RAI1: variants seen among roughly 807,000 people sequenced by gnomAD.
The protein encoded by RAI1 is retinoic acid-induced protein 1.
Under a neutral mutation model 123.8 loss-of-function variants are expected in RAI1, and 9 were observed. That is an observed-to-expected ratio of 0.07 (90% CI 0.04 to 0.13). The LOEUF (loss-of-function observed/expected upper bound fraction) is 0.13, where lower values mean the gene tolerates loss of function less well. RAI1 is among the 10% of genes least tolerant of loss of function. The pLI is 1.00. For missense variants in RAI1, 2,256 were observed against 2,545.8 expected, an observed-to-expected ratio of 0.89 and a Z score of 2.45; for synonymous variants, 1,231 against 1,127.3, an observed-to-expected ratio of 1.09 and a Z score of -1.84.
intron 2 of RAI1, among the ~76,000 whole-genome samples, chr17:17,756,178 C>T (rs188023918): frequency 2.0e-3 from 311 of 152,234 alleles, no homozygotes; most frequent in African/African-American, 7.4e-3. Context: ...GGGTGCCTGG[C>T]CACAGCAGGA....
At chr17:17,802,944 C>T (rs1158652849) in intron 3 of RAI1, among the ~76,000 whole-genome samples, 1 of 152,018 alleles carries the variant, frequency 6.6e-6, no homozygotes, top group African/African-American at 2.4e-5. Context: ...ATTAGCTGGG[C>T]ATGGCAGCAC....
intron 2 of RAI1, among the ~76,000 whole-genome samples, chr17:17,724,545 C>G (rs900241769): frequency 6.6e-6 from 1 of 150,862 alleles, no homozygotes; most frequent in South Asian, 2.1e-4. Context: ...GCTGAGATGG[C>G]GGGGCTGGTG....
At chr17:17,681,857 G>T in intron 1 of RAI1, 64 bp downstream of exon 1, 1 of 235,966 alleles carries the variant, frequency 4.2e-6, no homozygotes, top group Non-Finnish European at 8.2e-6. Flanking sequence ...GGGGCGGCGC[G>T]AGGCGTCGGG....
chr17:17,766,722 G>A (rs1482155147), intron 2 of RAI1, among the ~76,000 whole-genome samples: 2 of 152,228 alleles, frequency 1.3e-5, no homozygotes, highest in African/African-American at 2.4e-5. Flanking sequence ...CACAGGCGGC[G>A]GCACTGTTAG....
At position 17,681,664 on chromosome 17, in the gene RAI1, C is replaced by A. The variant is rs898964054; in HGVS notation, c.-278C>A. 6.9e-5 allele frequency: 18 copies of A among 260,226 alleles called. No individual in the cohort carries two copies. The highest frequency in any genetic ancestry group is 1.2e-4 in the Non-Finnish European group (16 of 138,242). 16.1% of individuals were successfully genotyped at this position (260,226 alleles called of 1,614,324 possible). On this transcript the variant is annotated 5_prime_UTR_variant, in exon 1 of 6. Transcript: ENST00000353383. ...CCGGCGCGAGGAGGGGGCGCCGCGG[C>A]CCACCCTCCTTCCTGCCTGGCCGCG...
intron 2 of RAI1, among the ~76,000 whole-genome samples, chr17:17,771,753 A>G (rs2031167632): frequency 6.6e-6 from 1 of 152,100 alleles, no homozygotes. Flanking sequence ...TCCCTTTCCC[A>G]TGGGAATCTC....
rs1269758312 is a variant in RAI1, at chr17:17,793,290, T to C, written c.342T>C (p.Gly114=). ...GCCCCTACCCAGGCCGCTATGCTGG[T>C]GAGGAGAGCCTTCAGGCTTGGGGGG... ...DSSPYPGRYA[G]EESLQAWGAP... The change falls in exon 3 of 6, where the codon GGT becomes GGC. Residue 114 remains glycine (G), a synonymous_variant. Transcript: ENST00000353383. 26 of 1,612,244 alleles carry C rather than the reference T, an allele frequency of 1.6e-5. No individual in the cohort carries two copies. The highest frequency in any genetic ancestry group is 2.2e-5 in the Non-Finnish European group (26 of 1,179,740).
chr17:17,741,882 A>G (rs1388950305), intron 2 of RAI1, among the ~76,000 whole-genome samples: 1 of 152,208 alleles, frequency 6.6e-6, no homozygotes, highest in African/African-American at 2.4e-5. Flanking sequence ...TGGAGGAGAG[A>G]CTGGGTGAGG....
intron 2 of RAI1, among the ~76,000 whole-genome samples, chr17:17,751,192 T>G (rs2030155169): frequency 6.6e-6 from 1 of 152,156 alleles, no homozygotes; most frequent in Non-Finnish European, 1.5e-5. Context: ...GAAGAGTAGC[T>G]CCAGGAAGTG....
chr17:17,761,946 CAG>C (rs1321550141), intron 2 of RAI1, among the ~76,000 whole-genome samples: 1 of 152,064 alleles, frequency 6.6e-6, no homozygotes, highest in Non-Finnish European at 1.5e-5. Flanking sequence ...AGGGAGGTCT[CAG>C]GGCATCCAAG....
intron 1 of RAI1, among the ~76,000 whole-genome samples, chr17:17,697,769 G>A (rs1254947138): frequency 6.6e-6 from 1 of 152,218 alleles, no homozygotes; most frequent in East Asian, 1.9e-4. Context: ...GTGTGGTTGT[G>A]TGTGTGTCTG....
intron 2 of RAI1, among the ~76,000 whole-genome samples, chr17:17,751,275 G>C (rs1246329070): frequency 6.6e-6 from 1 of 152,178 alleles, no homozygotes; most frequent in African/African-American, 2.4e-5. Context: ...GGCTAAGGTG[G>C]GAGTCTGTCA....
At position 17,739,178 on chromosome 17, in the gene RAI1, T is replaced by G. The variant is rs954611081; in HGVS notation, c.-17+15019T>G. 2.6e-5 allele frequency among the ~76,000 whole-genome samples: 4 copies of G among 152,006 alleles called. No homozygotes were observed. In the South Asian group the frequency reaches 8.3e-4, roughly 32 times the overall value. ...GGGCAGCCACGTGCCCAGTAAAGGC[T>G]CTCTTGAAAACCGTGGAGATAGGAG... On this transcript the variant is annotated intron_variant, in intron 2 of 5. Coordinates refer to ENST00000353383, the MANE Select transcript of RAI1 (RefSeq NM_030665.4).
chr17:17,752,746 C>G (rs1044381221), intron 2 of RAI1, among the ~76,000 whole-genome samples: 9 of 152,244 alleles, frequency 5.9e-5, no homozygotes, highest in African/African-American at 1.9e-4. Flanking sequence ...CACGTCATTC[C>G]TGGACACTCT....
chr17:17,781,122 G>T (rs2031563701), intron 2 of RAI1, among the ~76,000 whole-genome samples: 1 of 152,182 alleles, frequency 6.6e-6, no homozygotes, highest in South Asian at 2.1e-4. Flanking sequence ...CTAAACCACA[G>T]AGAGAACTCC....
intron 2 of RAI1, among the ~76,000 whole-genome samples, chr17:17,728,062 C>A (rs750592661): frequency 7.3e-5 from 11 of 150,996 alleles, no homozygotes; most frequent in Non-Finnish European, 1.5e-4. Context: ...TGTGTGTGTC[C>A]GTCCCTGTGT....
At chr17:17,690,968 G>A (rs1218490789) in intron 1 of RAI1, among the ~76,000 whole-genome samples, 1 of 152,222 alleles carries the variant, frequency 6.6e-6, no homozygotes, top group Non-Finnish European at 1.5e-5. Flanking sequence ...CAGCATTGAT[G>A]CACAGCTGAG....
chr17:17,755,338 A>T (rs1598056173), intron 2 of RAI1, among the ~76,000 whole-genome samples: 1 of 152,104 alleles, frequency 6.6e-6, no homozygotes, highest in Non-Finnish European at 1.5e-5. Context: ...ATGGGGCGGG[A>T]GTGATGCAGA....
chr17:17,807,794 A>C (rs1027949539), intron 4 of RAI1, among the ~76,000 whole-genome samples: 2 of 152,196 alleles, frequency 1.3e-5, no homozygotes, highest in African/African-American at 4.8e-5. Context: ...TGTCTTTGGA[A>C]TATCTAGTTC....
Sources: allele counts gnomAD v4.1 joint callset (sites outside exome capture counted in the v4.1 genomes callset), GRCh38; gene constraint gnomAD v4.1.1; transcripts MANE v1.5; gene names NCBI Gene and HGNC (gene_info 2026-07-23, HGNC 2026-07-21).